The following MEPE variants were observed in gnomAD, a reference collection of about 807,000 sequenced individuals.
MEPE encodes matrix, extracellular phosphoglycoprotein with ASARM motif (bone).
A neutral mutation model predicts 7.3 loss-of-function variants in MEPE; 7 were observed. The ratio of observed to expected loss-of-function variants is 0.95; its 90% confidence interval spans 0.54 to 1.79. The LOEUF is 1.79. Among genes scored for constraint, MEPE ranks in the 40% most tolerant of loss-of-function variants. The probability of loss-of-function intolerance (pLI) is 0.00; values close to 1 mark genes in which losing one functional copy is unlikely to be tolerated. For missense variants in MEPE, 623 were observed against 628.2 expected, an observed-to-expected ratio of 0.99 and a Z score of 0.09; for synonymous variants, 214 against 213.1, an observed-to-expected ratio of 1.00 and a Z score of -0.04.
chr4:87,822,112 C>T (rs887269021), intron 1 of MEPE, among the ~76,000 whole-genome samples: 2 of 152,130 alleles, frequency 1.3e-5, no homozygotes, highest in African/African-American at 2.4e-5. Context: ...CCGACTTTCC[C>T]GCCAAGTCTT....
In MEPE at chr4:87,833,471, T is replaced by C. The variant is rs577366035; in HGVS notation, c.-13+457T>C. 2.6e-5 allele frequency among the ~76,000 whole-genome samples: 4 copies of C among 152,316 alleles called. No homozygotes were observed. The East Asian group carries it at 7.7e-4, about 29-fold the overall frequency. ...ATAGTTAGAATTTAGATCCTTCTAA[T>C]TGCATTAATTTAGAAAAACATAGCC... On this transcript the variant is annotated intron_variant, in intron 1 of 3. Transcript: ENST00000361056.
At chr4:87,841,345 T>C (rs1003199724) in intron 3 of MEPE, among the ~76,000 whole-genome samples, 1 of 152,190 alleles carries the variant, frequency 6.6e-6, no homozygotes, top group Non-Finnish European at 1.5e-5. Context: ...TCAAGTCAAA[T>C]ATTTAAAATA....
At chr4:87,839,777 G>A (rs1334419951) in intron 3 of MEPE, 1 of 1,549,142 alleles carries the variant, frequency 6.5e-7, no homozygotes, top group East Asian at 2.4e-5. Context: ...CTGATGTAAA[G>A]GTAAGCTGAA....
At chr4:87,824,694 AT>A (rs1722420672) in intron 1 of MEPE, among the ~76,000 whole-genome samples, 1 of 152,158 alleles carries the variant, frequency 6.6e-6, no homozygotes, top group Non-Finnish European at 1.5e-5. Flanking sequence ...GATAAATTGT[AT>A]CTTTTTCTCT....
rs559149004 is a variant in MEPE at position 87,839,504 on chromosome 4, G to T, written c.108+819G>T. On this transcript the variant is annotated intron_variant, in intron 3 of 3. Transcript: ENST00000361056. ...GTTATGTAGAAAAGAGAAGGAACAA[G>T]TTGCTGTCTTCGGGAGCCGGCTGAC... Among the ~76,000 whole-genome samples the T allele has an allele frequency of 2.3e-4, 35 of 152,250 alleles. No homozygotes were observed. The South Asian group carries it at 6.8e-3, about 30-fold the overall frequency.
intron 2 of MEPE, 68 bp downstream of exon 2, chr4:87,834,836 GCAA>G: frequency 1.5e-6 from 2 of 1,369,484 alleles, no homozygotes; most frequent in South Asian, 2.5e-5. Context: ...TTTCTTTCAA[GCAA>G]CGTCTATTTA....
upstream of MEPE, among the ~76,000 whole-genome samples, chr4:87,828,807 G>C (rs1722532096): frequency 6.6e-6 from 1 of 152,194 alleles, no homozygotes. Context: ...AGTCAGGCTA[G>C]GTGCATCATT....
rs769783140 is a variant in MEPE at position 87,845,642 on chromosome 4, C to T, written c.774C>T (p.Asp258=). 5.6e-6 allele frequency: 9 copies of T among 1,613,682 alleles called. No individual in the cohort carries two copies. The highest frequency in any genetic ancestry group is 2.2e-5 in the East Asian group (1 of 44,892). Residue 258 remains aspartate, a synonymous_variant, in exon 4 of 4, where the codon GAC becomes GAT. Coordinates refer to ENST00000361056, the MANE Select transcript of MEPE (RefSeq NM_020203.6). The part of the protein sequence containing the change: ...GDNDISPFSG[D]GQPFKDIPGK... ...ATGATATATCTCCTTTCAGTGGGGA[C>T]GGCCAACCTTTTAAGGACATTCCTG...
chr4:87,826,953 T>C (rs1051211601), intron 1 of MEPE, among the ~76,000 whole-genome samples: 1 of 152,240 alleles, frequency 6.6e-6, no homozygotes, highest in Non-Finnish European at 1.5e-5. Context: ...GTGGGTTGTC[T>C]ATTCACTCGG....
At chr4:87,824,757 T>A (rs1199276142) in intron 1 of MEPE, among the ~76,000 whole-genome samples, 1 of 152,266 alleles carries the variant, frequency 6.6e-6, no homozygotes, top group Non-Finnish European at 1.5e-5. Context: ...CTTTGTCCTT[T>A]GCTTCAAACT....
chr4:87,828,329 A>G (rs75926752), upstream of MEPE, among the ~76,000 whole-genome samples: 3,457 of 152,304 alleles, frequency 0.023, 132 homozygotes, highest in East Asian at 0.19. Context: ...ACATACAGAA[A>G]AGTATATTGT....
At chr4:87,832,482 C>G (rs890809785), upstream of MEPE, among the ~76,000 whole-genome samples, 58 of 152,224 alleles carry the variant, frequency 3.8e-4, no homozygotes, top group African/African-American at 1.4e-3. Flanking sequence ...TTATCTGTCT[C>G]CCTTATTGGA....
In MEPE at chr4:87,843,355, C is replaced by T. The variant is rs77587890; in HGVS notation, c.109-1622C>T. ...CGGCACTCTGTTTGTCTGTGCAGAC[C>T]TAATTGGATATGATGTCTCTGCCTC... On this transcript the variant is annotated intron_variant, in intron 3 of 3. Transcript: ENST00000361056. Among the ~76,000 whole-genome samples, 481 of 152,234 alleles carry T rather than the reference C, an allele frequency of 3.2e-3. 1 individual carries two copies. The highest frequency in any genetic ancestry group is 0.011 in the African/African-American group (463 of 41,546).
chr4:87,839,882 T>A (rs1252388875), intron 3 of MEPE: 1 of 1,542,080 alleles, frequency 6.5e-7, no homozygotes, highest in Admixed American at 2.0e-5. Context: ...GCTCTGGGGT[T>A]TCTGTCTTAT....
At chr4:87,830,999 A>G (rs779950567), upstream of MEPE, among the ~76,000 whole-genome samples, 1 of 152,156 alleles carries the variant, frequency 6.6e-6, no homozygotes, top group Non-Finnish European at 1.5e-5. Flanking sequence ...TATATATAAT[A>G]TACAACTGTT....
chr4:87,844,796 C>T (rs1003568238), intron 3 of MEPE, among the ~76,000 whole-genome samples, 181 bp from the exon 4 acceptor site: 2 of 152,148 alleles, frequency 1.3e-5, no homozygotes, highest in African/African-American at 4.8e-5. Flanking sequence ...CTAGTTCATT[C>T]TTCTTTCTCC....
At chr4:87,835,353 C>T (rs1722744067) in intron 2 of MEPE, among the ~76,000 whole-genome samples, 2 of 152,152 alleles carry the variant, frequency 1.3e-5, no homozygotes, top group African/African-American at 4.8e-5. Context: ...CTCTGACTCA[C>T]CCAGTTGAAT....
intron 1 of MEPE, among the ~76,000 whole-genome samples, chr4:87,823,785 CTAAAG>C (rs1283085178): frequency 6.6e-6 from 1 of 151,778 alleles, no homozygotes. Flanking sequence ...AAAGGAAAAT[CTAAAG>C]TAAAGAAACA....
At chr4:87,821,817 G>C (rs542305959) in intron 1 of MEPE, among the ~76,000 whole-genome samples, 1 of 152,112 alleles carries the variant, frequency 6.6e-6, no homozygotes, top group Non-Finnish European at 1.5e-5. Flanking sequence ...TCATAGTCCC[G>C]TAAGGATGGC....
Sources: gnomAD v4.1 joint callset for allele counts (sites outside exome capture counted in the v4.1 genomes callset) on GRCh38, gnomAD v4.1.1 for gene constraint, MANE v1.5 for transcripts, NCBI Gene and HGNC (gene_info 2026-07-23, HGNC 2026-07-21) for gene names.